The following MRPS6 variants were observed in gnomAD, a reference collection of about 807,000 sequenced individuals.
MRPS6 encodes small ribosomal subunit protein bS6m.
In MRPS6, 6 loss-of-function variants were observed where a neutral mutation model predicts 13.1. That is an observed-to-expected ratio of 0.46 (90% CI 0.25 to 0.91). The LOEUF is 0.91. MRPS6 is among the 40% of genes least tolerant of loss of function. The pLI is 0.18. For synonymous variants in MRPS6, 61 were observed against 56.5 expected (o/e 1.08, Z -0.36); for missense variants, 164 against 155.6 (o/e 1.05, Z -0.29).
chr21:34,096,905 A>C lies in MRPS6; in HGVS notation c.45+23160A>C. 6.2e-7 allele frequency: 1 copy of C among 1,614,158 alleles called. No homozygotes were observed. The highest frequency in any genetic ancestry group is 8.5e-7 in the Non-Finnish European group (1 of 1,179,996). Reference sequence around the variant, plus strand: ...AAGAGGAACCATACAAAATGCAAGAAAAGAGCATTCTGAGATGCAGTGAGA... The same window carrying C: ...AAGAGGAACCATACAAAATGCAAGACAAGAGCATTCTGAGATGCAGTGAGA... On this transcript the variant is annotated intron_variant, in intron 1 of 2. Transcript: ENST00000399312. This position sits in a 1 kb window ranked among gnomAD's most constrained non-coding sequence, Gnocchi z 5.9.
rs747681366 is a variant in MRPS6 at position 34,101,872 on chromosome 21, T to C, written c.46-23469T>C. ...ATTCTCAAAACTCCTTTTTCAAAAA[T>C]TAGGGAGAGAGCAGTAGTGATCATT... On this transcript the variant is annotated intron_variant, in intron 1 of 2. Coordinates refer to ENST00000399312, the MANE Select transcript of MRPS6 (RefSeq NM_032476.4). 134 of 1,000,034 alleles carry C rather than the reference T, an allele frequency of 1.3e-4. 1 individual carries two copies. Among genetic ancestry groups the C allele is most frequent in the Non-Finnish European group, 1.5e-4 (126 of 829,944 alleles). 61.9% of individuals were successfully genotyped at this position (1,000,034 alleles called of 1,614,324 possible). A position where few individuals can be genotyped will look rare whatever the true frequency, so the allele number is the denominator to read the frequency against.
chr21:34,129,998 C>T (rs1168728896), intron 2 of MRPS6, among the ~76,000 whole-genome samples: 4 of 152,204 alleles, frequency 2.6e-5, no homozygotes, highest in South Asian at 2.1e-4. Context: ...TCGGTGAAGC[C>T]TGAATGCAAC....
At chr21:34,136,106 G>A (rs1252102082) in intron 2 of MRPS6, 3 of 204,020 alleles carry the variant, frequency 1.5e-5, no homozygotes, top group East Asian at 2.8e-4. Context: ...CTGTTACTTG[G>A]CGTGGACCTC....
chr21:34,094,544 C>T (rs2105485), intron 1 of MRPS6, among the ~76,000 whole-genome samples: 152,288 of 152,288 alleles, frequency 1, 76,144 homozygotes, highest in Non-Finnish European at 1. Flanking sequence ...TAGTGCCTGT[C>T]CTAATCTGAG....
chr21:34,073,725 A>C lies in MRPS6; in HGVS notation c.25A>C (p.Ile9Leu). The change falls in exon 1 of 3, where the codon ATC becomes CTC. Residue 9 changes from isoleucine to leucine, a missense_variant. Physicochemically the swap from Ile to Leu is conservative, Grantham distance 5. Transcript: ENST00000399312. The stretch of plus-strand genomic sequence containing the variant: ...CATGCCCCGCTACGAGCTGGCTTTA[A>C]TCCTGAAAGCCATGCAGCGGGTAAG... MPRYELAL[I>L]LKAMQRPETA... 6.5e-7 allele frequency: 1 copy of C among 1,527,650 alleles called. No individual in the cohort carries two copies. 94.6% of individuals were successfully genotyped at this position (1,527,650 alleles called of 1,614,324 possible).
intron 1 of MRPS6, chr21:34,102,612 C>CT: frequency 1.0e-6 from 1 of 1,000,038 alleles, no homozygotes; most frequent in East Asian, 1.1e-4. Context: ...AATAACTGTA[C>CT]TTTATGTAAT....
intron 2 of MRPS6, among the ~76,000 whole-genome samples, chr21:34,129,468 T>C (rs1006506399): frequency 1.3e-5 from 2 of 152,208 alleles, no homozygotes; most frequent in Non-Finnish European, 2.9e-5. Flanking sequence ...AGAAGGTGTT[T>C]TTCTTGCCTG....
intron 1 of MRPS6, chr21:34,095,936 A>G (rs1262044688): frequency 6.2e-7 from 1 of 1,614,138 alleles, no homozygotes. Flanking sequence ...CTAAGAAAGA[A>G]GCCCTGAAAA....
At chr21:34,081,193 T>C (rs1346403407) in intron 1 of MRPS6, among the ~76,000 whole-genome samples, 5 of 152,110 alleles carry the variant, frequency 3.3e-5, no homozygotes, top group Non-Finnish European at 5.9e-5. Context: ...CTTTCCACTT[T>C]AATGAAGCTG....
chr21:34,130,493 G>C (rs1342026615), intron 2 of MRPS6, among the ~76,000 whole-genome samples: 6 of 152,102 alleles, frequency 3.9e-5, no homozygotes, highest in Non-Finnish European at 7.4e-5. Flanking sequence ...GAGTGTTTTT[G>C]GTGGCATTGT....
intron 1 of MRPS6, chr21:34,098,375 TG>T (rs1403614256): frequency 1.0e-6 from 1 of 1,000,196 alleles, no homozygotes; most frequent in Non-Finnish European, 1.2e-6. Context: ...TTGCTCTACT[TG>T]ATTAGATCAT....
At position 34,085,330 on chromosome 21, in the gene MRPS6, A is replaced by G. The variant is rs150909889; in HGVS notation, c.45+11585A>G. Among the ~76,000 whole-genome samples, 667 of 152,268 alleles carry G rather than the reference A, an allele frequency of 4.4e-3. 2 individuals carry two copies. Among genetic ancestry groups the G allele is most frequent in the South Asian group, 4.6e-3 (22 of 4,826 alleles). On this transcript the variant is annotated intron_variant, in intron 1 of 2. Transcript: ENST00000399312. ...GAATGAGTATTTCATAGGGATGTCA[A>G]TGCATCACACCGGGAGGCATACCAC...
At chr21:34,090,137 C>G (rs1479978167) in intron 1 of MRPS6, among the ~76,000 whole-genome samples, 1 of 152,220 alleles carries the variant, frequency 6.6e-6, no homozygotes, top group Non-Finnish European at 1.5e-5. Flanking sequence ...GATACTTAAT[C>G]TGTAGTGTTG....
intron 2 of MRPS6, among the ~76,000 whole-genome samples, chr21:34,139,743 A>G (rs937280330): frequency 7.2e-5 from 11 of 152,006 alleles, no homozygotes; most frequent in Non-Finnish European, 1.5e-4. Context: ...ATGCCTGGCT[A>G]ATTTTTGTAG....
chr21:34,080,452 G>A (rs767813704), intron 1 of MRPS6, among the ~76,000 whole-genome samples: 2 of 151,870 alleles, frequency 1.3e-5, no homozygotes, highest in Non-Finnish European at 2.9e-5. Context: ...TTTGGTGCCG[G>A]CATCATGCTG....
intron 1 of MRPS6, among the ~76,000 whole-genome samples, chr21:34,088,440 C>T (rs566408172): frequency 1.7e-4 from 26 of 152,340 alleles, no homozygotes; most frequent in African/African-American, 5.8e-4. Context: ...TATCCATACA[C>T]ATCCATTCAC....
In MRPS6 at chr21:34,125,226, G is replaced by A. The variant is rs1980258610; in HGVS notation, c.46-115G>A. On this transcript the variant is annotated intron_variant, in intron 1 of 2. Transcript: ENST00000399312. Reference sequence around the variant, plus strand: ...AACCAGCTTCTGTTGCTTTTACCCAGCGATTCCTACCAGTAGAGCTGTTAT... The same window carrying A: ...AACCAGCTTCTGTTGCTTTTACCCAACGATTCCTACCAGTAGAGCTGTTAT... 3.5e-6 allele frequency: 5 copies of A among 1,447,398 alleles called. No individual in the cohort carries two copies. The South Asian group carries it at 7.7e-5, about 22-fold the overall frequency. 89.7% of individuals were successfully genotyped at this position (1,447,398 alleles called of 1,614,324 possible).
In MRPS6 at chr21:34,114,042, A is replaced by G. The variant is rs541560830; in HGVS notation, c.46-11299A>G. 2.6e-5 allele frequency among the ~76,000 whole-genome samples: 4 copies of G among 152,280 alleles called. No homozygotes were observed. The East Asian group carries it at 7.7e-4, about 29-fold the overall frequency. On this transcript the variant is annotated intron_variant, in intron 1 of 2. Coordinates refer to ENST00000399312, the MANE Select transcript of MRPS6 (RefSeq NM_032476.4). ...CTCCCACTATCCATTTCACAAGCTT[A>G]GGCATTTCCTTTACTTGCTGTCATA...
intron 1 of MRPS6, chr21:34,124,912 C>G (rs1267916383): frequency 6.5e-6 from 1 of 154,022 alleles, no homozygotes; most frequent in Non-Finnish European, 1.4e-5. Flanking sequence ...TTCCCCCTGG[C>G]TACAGTTTTG....
Sources: gnomAD v4.1 joint callset for allele counts (sites outside exome capture counted in the v4.1 genomes callset) on GRCh38, gnomAD v4.1.1 for gene constraint, Gnocchi (gnomAD v3.1) non-coding constraint, MANE v1.5 for transcripts, NCBI Gene and HGNC (gene_info 2026-07-23, HGNC 2026-07-21) for gene names.